KCNN2: variants seen among roughly 807,000 people sequenced by gnomAD.
KCNN2 encodes the protein small conductance calcium-activated potassium channel protein 2.
In KCNN2, 24 loss-of-function variants were observed where a neutral mutation model predicts 55.5. That is an observed-to-expected ratio of 0.43 (90% CI 0.31 to 0.61). KCNN2 has a LOEUF of 0.61. Among genes scored for constraint, KCNN2 ranks in the 20% least tolerant of loss-of-function variants. The pLI is 0.08. For synonymous variants in KCNN2, 431 were observed against 336.1 expected (o/e 1.28, Z -3.09); for missense variants, 754 against 853.6 (o/e 0.88, Z 1.45).
intron 2 of KCNN2, among the ~76,000 whole-genome samples, chr5:114,267,216 A>G (rs954972667): frequency 1.3e-5 from 2 of 152,002 alleles, no homozygotes; most frequent in Admixed American, 1.3e-4. Context: ...GATGGTCTCG[A>G]TCTCTTGACC....
At chr5:114,334,736 A>T (rs1201671488) in intron 2 of KCNN2, among the ~76,000 whole-genome samples, 1 of 152,162 alleles carries the variant, frequency 6.6e-6, no homozygotes, top group Non-Finnish European at 1.5e-5. Flanking sequence ...TACTAATACT[A>T]TGTATTTAAT....
At chr5:114,197,578 G>A (rs1185187422) in intron 1 of KCNN2, among the ~76,000 whole-genome samples, 1 of 152,158 alleles carries the variant, frequency 6.6e-6, no homozygotes, top group African/African-American at 2.4e-5. Flanking sequence ...TGCAGCTTCT[G>A]GGGTAGAGCT....
intron 1 of KCNN2, among the ~76,000 whole-genome samples, chr5:114,093,438 C>T (rs149055465): frequency 0.016 from 2,471 of 152,312 alleles, 32 homozygotes; most frequent in Non-Finnish European, 0.025. Flanking sequence ...TTATCCAGTT[C>T]CAAAGTTGTT....
intron 1 of KCNN2, among the ~76,000 whole-genome samples, chr5:114,084,320 A>G (rs1750966025): frequency 6.6e-6 from 1 of 152,066 alleles, no homozygotes; most frequent in South Asian, 2.1e-4. Context: ...TCATTGCTAC[A>G]CAGTCCCGCC....
chr5:114,113,452 C>T (rs1001319993), intron 1 of KCNN2, among the ~76,000 whole-genome samples: 10 of 151,816 alleles, frequency 6.6e-5, no homozygotes, highest in African/African-American at 2.4e-4. Context: ...TTTTCCTCTC[C>T]CTCTTAGGTT....
At chr5:114,142,757 G>T (rs1353057593) in intron 1 of KCNN2, among the ~76,000 whole-genome samples, 2 of 152,284 alleles carry the variant, frequency 1.3e-5, no homozygotes, top group Admixed American at 1.3e-4. Context: ...TCATACATAG[G>T]AAGAATCAAT....
chr5:114,475,860 T>C (rs1761941250), intron 5 of KCNN2, among the ~76,000 whole-genome samples: 1 of 152,170 alleles, frequency 6.6e-6, no homozygotes, highest in Non-Finnish European at 1.5e-5. Flanking sequence ...TTTCTGATGA[T>C]GCTACAGCTT....
At chr5:114,395,785 TC>T (rs1396188827) in intron 2 of KCNN2, among the ~76,000 whole-genome samples, 1 of 152,168 alleles carries the variant, frequency 6.6e-6, no homozygotes, top group Non-Finnish European at 1.5e-5. Flanking sequence ...GACAGTTCTT[TC>T]CTTCCTGCTT....
intron 2 of KCNN2, among the ~76,000 whole-genome samples, chr5:114,271,525 A>C (rs752839954): frequency 7.9e-5 from 12 of 152,198 alleles, no homozygotes; most frequent in African/African-American, 2.4e-4. Context: ...ATACAATACT[A>C]TCCTCAAGGT....
intron 3 of KCNN2, among the ~76,000 whole-genome samples, chr5:114,431,210 A>C (rs1370320605): frequency 6.6e-6 from 1 of 152,118 alleles, no homozygotes; most frequent in Non-Finnish European, 1.5e-5. Context: ...CAGTGAACCC[A>C]TGTGGTCCTG....
chr5:114,113,202 C>T (rs1001182589), intron 1 of KCNN2, among the ~76,000 whole-genome samples: 17 of 151,966 alleles, frequency 1.1e-4, no homozygotes, highest in African/African-American at 3.9e-4. Flanking sequence ...GGAGTTCTTT[C>T]CCAGGATGAG....
chr5:114,307,246 A>T (rs372352322), intron 2 of KCNN2, among the ~76,000 whole-genome samples: 3 of 152,194 alleles, frequency 2.0e-5, no homozygotes, highest in Non-Finnish European at 4.4e-5. Context: ...TCTGTGAACT[A>T]ACTTAGATCT....
chr5:114,470,704 C>A (rs1761689242), intron 4 of KCNN2, among the ~76,000 whole-genome samples: 1 of 152,196 alleles, frequency 6.6e-6, no homozygotes, highest in Admixed American at 6.5e-5. Context: ...CCTTTACTTT[C>A]CTTGTTTATC....
intron 2 of KCNN2, among the ~76,000 whole-genome samples, chr5:114,332,855 G>A (rs968627690): frequency 3.9e-5 from 6 of 152,128 alleles, no homozygotes; most frequent in Non-Finnish European, 7.4e-5. Flanking sequence ...TTATTCAAAT[G>A]CTACTCATTT....
At chr5:114,162,569 C>G (rs1047078400) in intron 1 of KCNN2, among the ~76,000 whole-genome samples, 1 of 152,152 alleles carries the variant, frequency 6.6e-6, no homozygotes, top group Non-Finnish European at 1.5e-5. Context: ...GATATTGCTG[C>G]CTTTTGTTTG....
chr5:114,116,954 G>T (rs1751719357), intron 1 of KCNN2, among the ~76,000 whole-genome samples: 1 of 152,252 alleles, frequency 6.6e-6, no homozygotes, highest in Admixed American at 6.5e-5. Flanking sequence ...CAAGGAGACA[G>T]TCAGACAGGT....
At chr5:114,296,235 C>T (rs1440365644) in intron 2 of KCNN2, among the ~76,000 whole-genome samples, 1 of 152,106 alleles carries the variant, frequency 6.6e-6, no homozygotes, top group African/African-American at 2.4e-5. Context: ...CCTCTTATAG[C>T]CTATCAGAAG....
At chr5:114,435,481 T>C (rs1390040058) in intron 3 of KCNN2, among the ~76,000 whole-genome samples, 2 of 152,150 alleles carry the variant, frequency 1.3e-5, no homozygotes, top group Non-Finnish European at 1.5e-5. Flanking sequence ...TGAAAAATAA[T>C]GTTTCTAGAC....
intron 2 of KCNN2, among the ~76,000 whole-genome samples, chr5:114,401,126 A>G (rs1207139826): frequency 2.0e-5 from 3 of 152,150 alleles, no homozygotes; most frequent in Admixed American, 2.0e-4. Flanking sequence ...TGAATAAACA[A>G]GCAACATTGA....
Sources: gnomAD v4.1 joint callset for allele counts (sites outside exome capture counted in the v4.1 genomes callset) on GRCh38, gnomAD v4.1.1 for gene constraint, MANE v1.5 for transcripts, NCBI Gene and HGNC (gene_info 2026-07-23, HGNC 2026-07-21) for gene names.